Variants in GNG7 observed in about 807,000 individuals in gnomAD.
The protein encoded by GNG7 is guanine nucleotide-binding protein G(I)/G(S)/G(O) subunit gamma-7.
A neutral mutation model predicts 4.0 loss-of-function variants in GNG7; 1 was observed. The observed-to-expected ratio is 0.25, with a 90% CI of 0.09 to 1.18. The LOEUF is 1.18. Among genes scored for constraint, GNG7 ranks in the 50% most tolerant of loss-of-function variants. The probability of loss-of-function intolerance (pLI) is 0.50; values close to 1 mark genes in which losing one functional copy is unlikely to be tolerated. For missense variants in GNG7, 86 were observed against 91.9 expected (o/e 0.94, Z 0.26); for synonymous variants, 34 against 36.9 (o/e 0.92, Z 0.29).
Position 2,602,866 on chromosome 19 carries a change from C to T in GNG7, c.-78+43358G>A, listed in dbSNP as rs532894160. Among the ~76,000 whole-genome samples the T allele has an allele frequency of 9.2e-5, 14 of 151,952 alleles. No homozygotes were observed. The South Asian group carries it at 2.9e-3, about 32-fold the overall frequency. On this transcript the variant is annotated intron_variant, in intron 2 of 4. Transcript: ENST00000382159. ...TCTGCAAGGAAAGATGCGCTACCCA[C>T]CCTTTTCTCTCTTTCTCTTTCTTTT...
Position 2,612,498 on chromosome 19 carries a change from G to A in GNG7, c.-78+33726C>T, listed in dbSNP as rs78920354. The stretch of plus-strand genomic sequence containing the variant: ...GGGGAGGGGCCTCAGTGAGAAGACT[G>A]AAGCCAGGACCCCCCCCAGGCAGGA... On this transcript the variant is annotated intron_variant, in intron 2 of 4. Transcript: ENST00000382159. Among the ~76,000 whole-genome samples the A allele has an allele frequency of 3.6e-3, 549 of 152,184 alleles. 5 individuals carry two copies. Among genetic ancestry groups the A allele is most frequent in the African/African-American group, 0.013 (524 of 41,514 alleles).
At chr19:2,526,518 T>A (rs1346171131) in intron 3 of GNG7, among the ~76,000 whole-genome samples, 1 of 124,982 alleles carries the variant, frequency 8.0e-6, no homozygotes, top group Admixed American at 8.5e-5. Context: ...ATATTTATAC[T>A]CATATTTATA....
chr19:2,520,337 G>A (rs750695767), intron 4 of GNG7, among the ~76,000 whole-genome samples: 2 of 152,194 alleles, frequency 1.3e-5, no homozygotes, highest in African/African-American at 2.4e-5. Flanking sequence ...ACGACAAAGC[G>A]CTCTGTCACG....
chr19:2,669,112 G>T (rs1250855997), intron 1 of GNG7, among the ~76,000 whole-genome samples: 6 of 152,140 alleles, frequency 3.9e-5, no homozygotes. Flanking sequence ...CTCAAAGAAG[G>T]GGGTGGTCGT....
At chr19:2,567,353 C>G (rs1979953557) in intron 2 of GNG7, among the ~76,000 whole-genome samples, 1 of 20,762 alleles carries the variant, frequency 4.8e-5, no homozygotes, top group Admixed American at 5.1e-4. Flanking sequence ...GTGTGTGTGA[C>G]ATAGGGTCTC....
At chr19:2,597,992 G>A (rs1002974442) in intron 2 of GNG7, among the ~76,000 whole-genome samples, 1 of 152,028 alleles carries the variant, frequency 6.6e-6, no homozygotes, top group Non-Finnish European at 1.5e-5. Context: ...ACGTATCTAT[G>A]TGAGTGTGCA....
Position 2,649,880 on chromosome 19 carries a change from C to T in GNG7, c.-134-3600G>A, listed in dbSNP as rs116456788. The stretch of plus-strand genomic sequence containing the variant: ...GCCATCAGCCCCCGATCCCCAGCCC[C>T]GGCCCCCACGCACACCCTCCCTGAC... On this transcript the variant is annotated intron_variant, in intron 1 of 4. Coordinates refer to ENST00000382159, the MANE Select transcript of GNG7 (RefSeq NM_052847.3). Among the ~76,000 whole-genome samples the T allele has an allele frequency of 4.2e-3, 646 of 152,100 alleles. 3 individuals carry two copies. The highest frequency in any genetic ancestry group is 0.014 in the African/African-American group (595 of 41,460).
chr19:2,657,350 AAAAAAAAAAAAATATATAT>A lies in GNG7; in HGVS notation c.-134-11089_-134-11071del, dbSNP rs1343266227. 1.4e-3 allele frequency among the ~76,000 whole-genome samples: 36 copies of A among 25,282 alleles called. 2 individuals carry two copies. The highest frequency in any genetic ancestry group is 4.2e-3 in the South Asian group (2 of 480). The allele number at this position is 25,282 out of a possible 152,430, so 16.6% of individuals were successfully genotyped here. ...CCCCGTCTCAATTAAAAAAAAAAAA[AAAAAAAAAAAAATATATAT>A]ATATATATATATATATATATATATA... On this transcript the variant is annotated intron_variant, in intron 1 of 4. Coordinates refer to ENST00000382159, the MANE Select transcript of GNG7 (RefSeq NM_052847.3).
chr19:2,670,426 G>C (rs1341264440), intron 1 of GNG7, among the ~76,000 whole-genome samples: 2 of 152,212 alleles, frequency 1.3e-5, no homozygotes, highest in Non-Finnish European at 2.9e-5. Flanking sequence ...CCCAGCGCCG[G>C]TGTCTGCAGG....
chr19:2,589,465 C>T (rs1439241824), intron 2 of GNG7, among the ~76,000 whole-genome samples: 1 of 147,814 alleles, frequency 6.8e-6, no homozygotes, highest in Non-Finnish European at 1.5e-5. Context: ...AGTGATCCGT[C>T]CGCCTTGGCC....
intron 2 of GNG7, among the ~76,000 whole-genome samples, chr19:2,638,511 G>A (rs1219080006): frequency 1.8e-4 from 4 of 22,568 alleles, no homozygotes; most frequent in African/African-American, 5.0e-4. Flanking sequence ...AATGGAAGGG[G>A]AGGGGAGGGG....
At chr19:2,644,451 A>AC (rs1982612466) in intron 2 of GNG7, among the ~76,000 whole-genome samples, 1 of 105,550 alleles carries the variant, frequency 9.5e-6, no homozygotes, top group Admixed American at 9.0e-5. Context: ...CCCATTTAAA[A>AC]TGCATAATTC....
Position 2,657,399 on chromosome 19 carries a change from T to TATATAC in GNG7, c.-134-11120_-134-11119insGTATAT, listed in dbSNP as rs1332253018. Among the ~76,000 whole-genome samples the TATATAC allele has an allele frequency of 1.5e-3, 122 of 80,694 alleles. 5 individuals are homozygous for TATATAC. The highest frequency in any genetic ancestry group is 7.0e-3 in the African/African-American group (112 of 16,104). The allele number at this position is 80,694 out of a possible 152,430, so 52.9% of individuals were successfully genotyped here. ...ATATATATATATATATATATATATA[T>TATATAC]ACACATAATAACATTTATCCTAAAA... On this transcript the variant is annotated intron_variant, in intron 1 of 4. Coordinates refer to ENST00000382159, the MANE Select transcript of GNG7 (RefSeq NM_052847.3).
At chr19:2,662,078 G>A (rs901890096) in intron 1 of GNG7, among the ~76,000 whole-genome samples, 9 of 151,946 alleles carry the variant, frequency 5.9e-5, no homozygotes, top group South Asian at 2.1e-4. Flanking sequence ...TGACCAACAC[G>A]GTGAAACCCT....
intron 1 of GNG7, chr19:2,683,657 G>C (rs1983798389): frequency 6.6e-6 from 1 of 152,386 alleles, no homozygotes; most frequent in Admixed American, 6.5e-5. Flanking sequence ...GAAGAAACAG[G>C]GGAGCTGGAG....
At chr19:2,555,768 G>A (rs1568241992) in intron 2 of GNG7, among the ~76,000 whole-genome samples, 2 of 152,242 alleles carry the variant, frequency 1.3e-5, no homozygotes, top group Admixed American at 6.5e-5. Flanking sequence ...TCCAGGCCCC[G>A]GTGATTGGTC....
chr19:2,571,689 G>C (rs965098449), intron 2 of GNG7, among the ~76,000 whole-genome samples: 1 of 136,540 alleles, frequency 7.3e-6, no homozygotes, highest in Non-Finnish European at 1.5e-5. Context: ...TCTGCCTCCC[G>C]GGGTTAAGTG....
At chr19:2,650,447 C>T (rs1982781890) in intron 1 of GNG7, among the ~76,000 whole-genome samples, 1 of 152,058 alleles carries the variant, frequency 6.6e-6, no homozygotes, top group Non-Finnish European at 1.5e-5. Flanking sequence ...CCTTGGCCTC[C>T]CGAAGTTGTT....
At chr19:2,645,636 G>A (rs774101673) in intron 2 of GNG7, among the ~76,000 whole-genome samples, 1 of 152,052 alleles carries the variant, frequency 6.6e-6, no homozygotes, top group Admixed American at 6.5e-5. Flanking sequence ...CCATTTCCAC[G>A]TCCCTGGCAA....
Sources: gnomAD v4.1 joint callset for allele counts (sites outside exome capture counted in the v4.1 genomes callset) on GRCh38, gnomAD v4.1.1 for gene constraint, MANE v1.5 for transcripts, NCBI Gene and HGNC (gene_info 2026-07-23, HGNC 2026-07-21) for gene names.